Variants in CHCHD6 observed in about 807,000 individuals in gnomAD.
CHCHD6 encodes the protein coiled-coil-helix-coiled-coil-helix domain containing 6.
A neutral mutation model predicts 32.3 loss-of-function variants in CHCHD6; 28 were observed. The observed-to-expected ratio is 0.87, with a 90% CI of 0.64 to 1.19. CHCHD6 has a LOEUF of 1.19. Among genes scored for constraint, CHCHD6 ranks in the 50% most tolerant of loss-of-function variants. The pLI is 0.00. For missense variants in CHCHD6, 333 were observed against 307.0 expected, an observed-to-expected ratio of 1.08 and a Z score of -0.63; for synonymous variants, 122 against 117.5, an observed-to-expected ratio of 1.04 and a Z score of -0.25.
chr3:126,852,531 T>C, intron 4 of CHCHD6, 116 bp from the exon 5 acceptor site: 7 of 704,040 alleles, frequency 9.9e-6, no homozygotes, highest in Non-Finnish European at 1.8e-5. Context: ...TTTCAACTCA[T>C]TATTGCTACT....
chr3:126,863,570 T>C (rs1416059032), intron 5 of CHCHD6, among the ~76,000 whole-genome samples: 261 of 47,742 alleles, frequency 5.5e-3, no homozygotes, highest in Admixed American at 6.4e-3. Context: ...TCCTCCACCA[T>C]CACCACCTCC....
chr3:126,957,786 C>G (rs1025027587), intron 7 of CHCHD6: 2 of 604,016 alleles, frequency 3.3e-6, no homozygotes, highest in African/African-American at 3.7e-5. Flanking sequence ...ATCCCTGTTG[C>G]GTTTGCCCTA....
chr3:126,792,491 T>C (rs1938602227), intron 4 of CHCHD6, among the ~76,000 whole-genome samples: 1 of 152,118 alleles, frequency 6.6e-6, no homozygotes, highest in Admixed American at 6.5e-5. Flanking sequence ...TCTTTTACAT[T>C]TTTCTTTGAG....
intron 4 of CHCHD6, among the ~76,000 whole-genome samples, chr3:126,773,330 C>T (rs1937576316): frequency 6.6e-6 from 1 of 152,186 alleles, no homozygotes; most frequent in Non-Finnish European, 1.5e-5. Context: ...GTCCTTCAGG[C>T]AGCCGTCAGA....
intron 4 of CHCHD6, among the ~76,000 whole-genome samples, chr3:126,844,215 A>G (rs1941206775): frequency 6.6e-6 from 1 of 152,290 alleles, no homozygotes; most frequent in African/African-American, 2.4e-5. Context: ...TGTTGTATAC[A>G]TGTCATTTGG....
intron 6 of CHCHD6, among the ~76,000 whole-genome samples, chr3:126,919,932 C>T (rs551320876): frequency 5.9e-5 from 9 of 151,904 alleles, no homozygotes; most frequent in Non-Finnish European, 5.9e-5. Context: ...ATGTTTTTCT[C>T]AGTTTTGGAA....
chr3:126,796,032 A>G (rs1404499894), intron 4 of CHCHD6, among the ~76,000 whole-genome samples: 3 of 151,890 alleles, frequency 2.0e-5, no homozygotes, highest in Non-Finnish European at 4.4e-5. Flanking sequence ...TACAGGTGGC[A>G]CTCTTACTGG....
intron 4 of CHCHD6, among the ~76,000 whole-genome samples, chr3:126,841,991 G>A (rs1006092230): frequency 2.0e-5 from 3 of 152,074 alleles, no homozygotes; most frequent in African/African-American, 7.2e-5. Context: ...GCTCACACTT[G>A]TAATCCCAAC....
intron 4 of CHCHD6, among the ~76,000 whole-genome samples, chr3:126,790,643 G>A (rs1268396345): frequency 6.6e-6 from 1 of 152,170 alleles, no homozygotes; most frequent in East Asian, 1.9e-4. Flanking sequence ...CATTCGTCAT[G>A]TAGTTCTTGT....
At chr3:126,745,388 T>C (rs1255981557) in intron 4 of CHCHD6, among the ~76,000 whole-genome samples, 3 of 152,110 alleles carry the variant, frequency 2.0e-5, no homozygotes, top group South Asian at 4.1e-4. Flanking sequence ...ATGGCACACC[T>C]CTCCTGGAGT....
At chr3:126,859,333 CTA>C (rs1348270072) in intron 5 of CHCHD6, among the ~76,000 whole-genome samples, 3 of 151,876 alleles carry the variant, frequency 2.0e-5, no homozygotes, top group Non-Finnish European at 4.4e-5. Flanking sequence ...CAGCCAGGTG[CTA>C]TGTGAGAAGG....
chr3:126,798,278 G>A (rs1938891391), intron 4 of CHCHD6, among the ~76,000 whole-genome samples: 1 of 152,152 alleles, frequency 6.6e-6, no homozygotes, highest in Admixed American at 6.5e-5. Context: ...TCTGAATGTT[G>A]GTTCTTGGAG....
intron 1 of CHCHD6, among the ~76,000 whole-genome samples, chr3:126,724,464 A>G (rs1161571166): frequency 1.3e-5 from 2 of 152,240 alleles, no homozygotes; most frequent in Non-Finnish European, 2.9e-5. Flanking sequence ...TATTGGCAAA[A>G]TATGCTAATG....
chr3:126,938,011 A>T (rs561868987), intron 6 of CHCHD6, among the ~76,000 whole-genome samples: 16 of 152,216 alleles, frequency 1.1e-4, no homozygotes, highest in Non-Finnish European at 2.1e-4. Context: ...TGCGCAGAGG[A>T]CAAGCTACAA....
chr3:126,865,540 T>C, intron 5 of CHCHD6: 1 of 984,388 alleles, frequency 1.0e-6, no homozygotes, highest in Non-Finnish European at 1.2e-6. Context: ...AACCTCCTCC[T>C]CCACGTCCAC....
intron 4 of CHCHD6, among the ~76,000 whole-genome samples, chr3:126,776,837 CTT>C (rs1937671679): frequency 6.6e-6 from 1 of 151,940 alleles, no homozygotes; most frequent in South Asian, 2.1e-4. Context: ...TCGATGGTGT[CTT>C]AGATTCAATT....
rs570975319 is a variant in CHCHD6, at chr3:126,909,458, A to T, written c.496-5222A>T. Among the ~76,000 whole-genome samples the T allele has an allele frequency of 2.0e-5, 3 of 152,212 alleles. No homozygotes were observed. The East Asian group carries it at 5.8e-4, about 29-fold the overall frequency. Reference sequence around the variant, plus strand: ...TCCCTCACCCTCACCCTTGCTTTTGATCTCACAGATCCAGGCCCTTGGAGA... The same window carrying T: ...TCCCTCACCCTCACCCTTGCTTTTGTTCTCACAGATCCAGGCCCTTGGAGA... On this transcript the variant is annotated intron_variant, in intron 5 of 7. Transcript: ENST00000290913.
At chr3:126,767,360 G>A in intron 4 of CHCHD6, 1 of 815,996 alleles carries the variant, frequency 1.2e-6, no homozygotes, top group South Asian at 1.3e-5. Context: ...CCCACATGCT[G>A]CAGACATGAT....
At chr3:126,903,948 G>C (rs2077969066) in intron 5 of CHCHD6, among the ~76,000 whole-genome samples, 1 of 152,094 alleles carries the variant, frequency 6.6e-6, no homozygotes, top group African/African-American at 2.4e-5. Context: ...GCAGGCCCTG[G>C]GTCTAGGTAG....
Sources: allele counts gnomAD v4.1 joint callset (sites outside exome capture counted in the v4.1 genomes callset), GRCh38; gene constraint gnomAD v4.1.1; transcripts MANE v1.5; gene names NCBI Gene and HGNC (gene_info 2026-07-23, HGNC 2026-07-21).